The following HDAC4 variants were observed in gnomAD, a reference collection of about 807,000 sequenced individuals.
HDAC4 encodes the protein histone deacetylase 4.
In HDAC4, 16 loss-of-function variants were observed where a neutral mutation model predicts 135.1. The ratio of observed to expected loss-of-function variants is 0.12; its 90% confidence interval spans 0.08 to 0.18. The LOEUF (loss-of-function observed/expected upper bound fraction) is 0.18. Among genes scored for constraint, HDAC4 ranks in the 10% least tolerant of loss-of-function variants. The probability of loss-of-function intolerance (pLI) is 1.00; values close to 1 mark genes in which losing one functional copy is unlikely to be tolerated. For synonymous variants in HDAC4, 685 were observed against 653.4 expected, an observed-to-expected ratio of 1.05 and a Z score of -0.74; for missense variants, 1,143 against 1,511.8, an observed-to-expected ratio of 0.76 and a Z score of 4.05.
chr2:239,168,272 CT>C (rs2043233767), intron 5 of HDAC4, among the ~76,000 whole-genome samples: 1 of 152,192 alleles, frequency 6.6e-6, no homozygotes, highest in African/African-American at 2.4e-5. Flanking sequence ...GAAAGCGGGG[CT>C]GTATTCGCTC....
intron 7 of HDAC4, among the ~76,000 whole-genome samples, chr2:239,153,756 A>G (rs756019573): frequency 6.6e-6 from 1 of 152,254 alleles, no homozygotes; most frequent in Non-Finnish European, 1.5e-5. Context: ...GGGTGGTGCT[A>G]TCACAAGGTT....
chr2:239,399,097 C>A (rs1053635898), intron 1 of HDAC4, among the ~76,000 whole-genome samples: 2 of 152,196 alleles, frequency 1.3e-5, no homozygotes, highest in African/African-American at 4.8e-5. Context: ...AAAGATGCCA[C>A]AGATCCCAGA....
chr2:239,377,755 T>C (rs1405257202), intron 1 of HDAC4, among the ~76,000 whole-genome samples: 1 of 152,078 alleles, frequency 6.6e-6, no homozygotes, highest in African/African-American at 2.4e-5. Context: ...CCCAGGACCC[T>C]AGAGCACCTG....
intron 2 of HDAC4, among the ~76,000 whole-genome samples, chr2:239,338,473 T>A (rs908847825): frequency 1.3e-5 from 2 of 152,138 alleles, no homozygotes; most frequent in Non-Finnish European, 2.9e-5. Flanking sequence ...AACCCCCTAG[T>A]GCAAACATCA....
intron 3 of HDAC4, among the ~76,000 whole-genome samples, chr2:239,210,368 T>C (rs1368446411): frequency 6.6e-6 from 1 of 152,224 alleles, no homozygotes; most frequent in African/African-American, 2.4e-5. Context: ...GACGTCAGTA[T>C]GATTTCGATT....
intron 24 of HDAC4, among the ~76,000 whole-genome samples, chr2:239,060,715 G>A (rs559086720): frequency 5.9e-5 from 9 of 152,240 alleles, no homozygotes; most frequent in Non-Finnish European, 8.8e-5. Flanking sequence ...CCTCCTGGAC[G>A]TTTACCGGAG....
At chr2:239,243,450 C>A (rs1328628137) in intron 2 of HDAC4, among the ~76,000 whole-genome samples, 1 of 152,176 alleles carries the variant, frequency 6.6e-6, no homozygotes, top group Non-Finnish European at 1.5e-5. Flanking sequence ...CCGCTCCCGG[C>A]TGGATAAATT....
intron 1 of HDAC4, among the ~76,000 whole-genome samples, chr2:239,366,095 AG>A (rs1480193714): frequency 6.9e-6 from 1 of 145,136 alleles, no homozygotes; most frequent in Non-Finnish European, 1.5e-5. Flanking sequence ...TGCACAGAGC[AG>A]GGTCGTCAGG....
intron 22 of HDAC4, among the ~76,000 whole-genome samples, chr2:239,074,717 C>T (rs1021344815): frequency 3.9e-5 from 6 of 152,198 alleles, no homozygotes; most frequent in East Asian, 1.9e-4. Context: ...GTTTGTGGCG[C>T]GACTAAGAAA....
At chr2:239,374,898 C>T (rs1036958809) in intron 1 of HDAC4, among the ~76,000 whole-genome samples, 7 of 152,170 alleles carry the variant, frequency 4.6e-5, no homozygotes, top group Admixed American at 3.3e-4. Context: ...TGAAGGGCAG[C>T]GTGCAAATCG....
chr2:239,209,257 T>C (rs909163891), intron 3 of HDAC4, among the ~76,000 whole-genome samples: 30 of 152,218 alleles, frequency 2.0e-4, no homozygotes, highest in African/African-American at 6.0e-4. Context: ...GACTTACTAT[T>C]CTAAAGATAG....
rs1296447791 is a variant in HDAC4, at chr2:239,320,757, T to C, written c.22+31921A>G. Among the ~76,000 whole-genome samples the C allele has an allele frequency of 4.6e-5, 7 of 152,220 alleles. No individual in the cohort carries two copies. The East Asian group carries it at 1.2e-3, about 25-fold the overall frequency. On this transcript the variant is annotated intron_variant, in intron 2 of 26. Transcript: ENST00000543185. Reference sequence around the variant, plus strand: ...GCCATACTGAACACATGTGCTACCGTAAGGTCAACCTCAGAACACAGCTCT... The same window carrying C: ...GCCATACTGAACACATGTGCTACCGCAAGGTCAACCTCAGAACACAGCTCT...
intron 5 of HDAC4, among the ~76,000 whole-genome samples, chr2:239,174,742 T>G (rs142992674): frequency 1.2e-4 from 18 of 152,264 alleles, no homozygotes; most frequent in Non-Finnish European, 2.4e-4. Flanking sequence ...TCTAACAACT[T>G]TAGAAGAAAT....
intron 22 of HDAC4, among the ~76,000 whole-genome samples, chr2:239,069,834 G>C (rs996707005): frequency 1.2e-4 from 19 of 152,164 alleles, no homozygotes; most frequent in Non-Finnish European, 2.8e-4. Context: ...CACTGCACTT[G>C]CTTAGTGAGA....
intron 1 of HDAC4, among the ~76,000 whole-genome samples, chr2:239,384,821 C>T (rs1695675510): frequency 6.6e-6 from 1 of 152,106 alleles, no homozygotes; most frequent in South Asian, 2.1e-4. Context: ...GACACTTTAA[C>T]AATACAACAG....
intron 3 of HDAC4, among the ~76,000 whole-genome samples, chr2:239,215,795 G>A (rs960952855): frequency 6.6e-6 from 1 of 152,304 alleles, no homozygotes; most frequent in African/African-American, 2.4e-5. Context: ...GGAGGACGCG[G>A]TCATCAGTTC....
At chr2:239,165,229 GA>G (rs141946423) in intron 5 of HDAC4, among the ~76,000 whole-genome samples, 1 of 150,270 alleles carries the variant, frequency 6.7e-6, no homozygotes, top group East Asian at 2.0e-4. Context: ...TGTCTCAAAA[GA>G]AAAAAAGAAA....
intron 3 of HDAC4, 64 bp downstream of exon 3, chr2:239,236,529 C>A (rs559524296): frequency 7.7e-7 from 1 of 1,292,138 alleles, no homozygotes; most frequent in Non-Finnish European, 1.1e-6. Context: ...TAAGGCAGAG[C>A]GTCTGAACAC....
chr2:239,199,736 CTTTTT>C (rs35353470), intron 3 of HDAC4, among the ~76,000 whole-genome samples: 1 of 139,090 alleles, frequency 7.2e-6, no homozygotes, highest in Non-Finnish European at 1.6e-5. Context: ...CTGTACATTT[CTTTTT>C]TTTTTTTTTT....
Sources: allele counts gnomAD v4.1 joint callset (sites outside exome capture counted in the v4.1 genomes callset), GRCh38; gene constraint gnomAD v4.1.1; transcripts MANE v1.5; gene names NCBI Gene and HGNC (gene_info 2026-07-23, HGNC 2026-07-21).